Variants in SV2B observed in about 807,000 individuals in gnomAD.
SV2B encodes the protein solute carrier family 22 member B2.
In SV2B, 41 loss-of-function variants were observed where a neutral mutation model predicts 73.9. The observed-to-expected ratio is 0.56, with a 90% confidence interval of 0.43 to 0.72. The LOEUF (loss-of-function observed/expected upper bound fraction) is 0.72, where lower values mean the gene tolerates loss of function less well. Ranked by LOEUF, SV2B falls within the 30% of genes least tolerant of loss-of-function variation. SV2B has a pLI of 0.00. For missense variants in SV2B, 764 were observed against 857.8 expected, an observed-to-expected ratio of 0.89 and a Z score of 1.37; for synonymous variants, 314 against 314.2, an observed-to-expected ratio of 1.00 and a Z score of 0.01.
Position 91,232,822 on chromosome 15 carries a change from C to T in SV2B, c.451+6108C>T, listed in dbSNP as rs2046631123. ...GTTTGGGATACAAATGATCCCATCA[C>T]CCAGATAGTGAGCAAAGAACCTAAC... On this transcript the variant is annotated intron_variant, in intron 2 of 12. Coordinates refer to ENST00000394232, the MANE Select transcript of SV2B (RefSeq NM_001323032.3). The surrounding 1 kb of genome is among the most constrained non-coding windows in gnomAD (Gnocchi z 4.7). Among the ~76,000 whole-genome samples, 1 of 152,158 alleles carries T rather than the reference C, an allele frequency of 6.6e-6. No individual in the cohort carries two copies. Among genetic ancestry groups the T allele is most frequent in the Non-Finnish European group, 1.5e-5 (1 of 68,028 alleles).
intron 9 of SV2B, among the ~76,000 whole-genome samples, chr15:91,270,959 G>T (rs2048287963): frequency 6.6e-6 from 1 of 150,714 alleles, no homozygotes; most frequent in Non-Finnish European, 1.5e-5. Context: ...GGAGGACGGT[G>T]AGTCCTGTGG....
In SV2B at chr15:91,241,226, G is replaced by A. The variant is rs1302861717; in HGVS notation, c.452-10593G>A. Among the ~76,000 whole-genome samples the A allele has an allele frequency of 8.5e-5, 13 of 152,086 alleles. No homozygotes were observed. In the East Asian group the frequency reaches 1.5e-3, roughly 18 times the overall value. ...TTGTTCTCACCACATTCCTCACTGAGCTTAATGTCCATGTCCATAATCACA... is the reference window on the plus strand; with the variant it reads ...TTGTTCTCACCACATTCCTCACTGAACTTAATGTCCATGTCCATAATCACA... On this transcript the variant is annotated intron_variant, in intron 2 of 12. Transcript: ENST00000394232. This position sits in a 1 kb window ranked among gnomAD's most constrained non-coding sequence, Gnocchi z 4.8.
chr15:91,220,649 G>T lies in SV2B; in HGVS notation c.-391-5224G>T, dbSNP rs1392196905. Among the ~76,000 whole-genome samples, 1 of 152,186 alleles carries T rather than the reference G, an allele frequency of 6.6e-6. No individual in the cohort carries two copies. The highest frequency in any genetic ancestry group is 2.4e-5 in the African/African-American group (1 of 41,454). On this transcript the variant is annotated intron_variant, in intron 1 of 12. Transcript: ENST00000394232. This position sits in a 1 kb window ranked among gnomAD's most constrained non-coding sequence, Gnocchi z 4.1. ...TAATAGAATGTAAAAGTTAAAGGAG[G>T]ATGCTTAAGAGGTTAGCAGCATGGG...
intron 11 of SV2B, among the ~76,000 whole-genome samples, chr15:91,287,397 C>A (rs2048895363): frequency 6.6e-6 from 1 of 152,186 alleles, no homozygotes; most frequent in African/African-American, 2.4e-5. Flanking sequence ...TGTTTGAGAC[C>A]TGCTTCCTTC....
chr15:91,266,793 GC>G, intron 7 of SV2B, 101 bp downstream of exon 7: 1 of 969,884 alleles, frequency 1.0e-6, no homozygotes, highest in Non-Finnish European at 1.5e-6. Context: ...ACCAACCTGG[GC>G]CAGCGTGATG....
intron 6 of SV2B, among the ~76,000 whole-genome samples, chr15:91,263,621 GAAACACACAGACGCACATTAAGAC>G (rs1018410000): frequency 3.4e-5 from 5 of 147,124 alleles, no homozygotes; most frequent in African/African-American, 1.3e-4. Context: ...CACAAACACA[GAAACACACAGACGCACATTAAGAC>G]AAACACACAG....
intron 1 of SV2B, among the ~76,000 whole-genome samples, chr15:91,216,677 G>T (rs7169158): frequency 0.038 from 5,738 of 151,708 alleles, 386 homozygotes; most frequent in African/African-American, 0.13. Flanking sequence ...CTCCATGTTG[G>T]TCAGGCTGGT....
At chr15:91,287,057 A>G (rs1302290695) in intron 11 of SV2B, among the ~76,000 whole-genome samples, 1 of 152,152 alleles carries the variant, frequency 6.6e-6, no homozygotes, top group Non-Finnish European at 1.5e-5. Context: ...TCCACAGAGC[A>G]CTTGGGGGTC....
At chr15:91,175,260 CTTTTTTT>C (rs1182322611) in intron 1 of SV2B, among the ~76,000 whole-genome samples, 1 of 145,128 alleles carries the variant, frequency 6.9e-6, no homozygotes, top group Non-Finnish European at 1.5e-5. Context: ...TTTCTTTTTT[CTTTTTTT>C]TTTTTGAGAT....
intron 1 of SV2B, among the ~76,000 whole-genome samples, chr15:91,193,957 C>A (rs1389400061): frequency 6.6e-6 from 1 of 151,926 alleles, no homozygotes; most frequent in Non-Finnish European, 1.5e-5. Flanking sequence ...AAATTGCAAA[C>A]CTGTTTCTGT....
rs2046513609 is a variant in SV2B, at chr15:91,229,991, A to G, written c.451+3277A>G. Among the ~76,000 whole-genome samples the G allele has an allele frequency of 6.6e-6, 1 of 152,208 alleles. No individual in the cohort carries two copies. Among genetic ancestry groups the G allele is most frequent in the Non-Finnish European group, 1.5e-5 (1 of 68,032 alleles). ...TGTGGTGGCCCATGCCTGTAATCCCAGTGCTTTGGGAGGCTGAGGTGGGAA... is the reference window on the plus strand; with the variant it reads ...TGTGGTGGCCCATGCCTGTAATCCCGGTGCTTTGGGAGGCTGAGGTGGGAA... On this transcript the variant is annotated intron_variant, in intron 2 of 12. Coordinates refer to ENST00000394232, the MANE Select transcript of SV2B (RefSeq NM_001323032.3). The surrounding 1 kb of genome is among the most constrained non-coding windows in gnomAD (Gnocchi z 4.3).
chr15:91,219,230 T>C (rs2046137223), intron 1 of SV2B, among the ~76,000 whole-genome samples: 3 of 152,208 alleles, frequency 2.0e-5, no homozygotes, highest in Admixed American at 2.0e-4. Context: ...AGTACAGACA[T>C]GAGCCACTGC....
chr15:91,123,542 C>G lies in SV2B; in HGVS notation c.-392+23179C>G, dbSNP rs552455376. 1.3e-5 allele frequency among the ~76,000 whole-genome samples: 2 copies of G among 152,084 alleles called. No individual in the cohort carries two copies. The highest frequency in any genetic ancestry group is 2.9e-5 in the Non-Finnish European group (2 of 68,034). On this transcript the variant is annotated intron_variant, in intron 1 of 12. Transcript: ENST00000394232. This position sits in a 1 kb window ranked among gnomAD's most constrained non-coding sequence, Gnocchi z 4.7. ...GGTACCCCGGGAGAACTTAGGGAGA[C>G]GGGATCTGGTTCCATTCATGCAGTA...
chr15:91,245,552 T>C lies in SV2B; in HGVS notation c.452-6267T>C. 6.6e-6 allele frequency among the ~76,000 whole-genome samples: 1 copy of C among 152,202 alleles called. No homozygotes were observed. The highest frequency in any genetic ancestry group is 1.9e-4 in the East Asian group (1 of 5,196). On this transcript the variant is annotated intron_variant, in intron 2 of 12. Transcript: ENST00000394232. The surrounding 1 kb of genome is among the most constrained non-coding windows in gnomAD (Gnocchi z 4.2). ...ATTCCTCAGATTTTCTTACAGTGAA[T>C]AGGAATTACTTTTAGATTGTTTTAT...
intron 1 of SV2B, among the ~76,000 whole-genome samples, chr15:91,205,612 C>T (rs1463706894): frequency 6.6e-6 from 1 of 152,016 alleles, no homozygotes; most frequent in Non-Finnish European, 1.5e-5. Context: ...GTGATCCACC[C>T]ACCTCGGCCT....
chr15:91,145,142 C>G (rs953095984), intron 1 of SV2B, among the ~76,000 whole-genome samples: 4 of 152,192 alleles, frequency 2.6e-5, no homozygotes, highest in African/African-American at 9.7e-5. Context: ...TCCTCCCACC[C>G]TCCATCCTCC....
chr15:91,265,502 C>T lies in SV2B; in HGVS notation c.1009-1080C>T, dbSNP rs1346277391. ...AAGGAGCAAAGAAAGGAAAAACTGA[C>T]ATTTGAGAGGATATCTTAAGGCTTT... On this transcript the variant is annotated intron_variant, in intron 6 of 12. Coordinates refer to ENST00000394232, the MANE Select transcript of SV2B (RefSeq NM_001323032.3). This position sits in a 1 kb window ranked among gnomAD's most constrained non-coding sequence, Gnocchi z 4.2. Among the ~76,000 whole-genome samples the T allele has an allele frequency of 1.3e-5, 2 of 152,190 alleles. No homozygotes were observed. Among genetic ancestry groups the T allele is most frequent in the Non-Finnish European group, 2.9e-5 (2 of 68,048 alleles).
intron 1 of SV2B, among the ~76,000 whole-genome samples, chr15:91,185,709 G>A (rs1596542221): frequency 6.6e-6 from 1 of 152,156 alleles, no homozygotes; most frequent in East Asian, 1.9e-4. Flanking sequence ...ATAATGGCTG[G>A]CATTTGTTCA....
Position 91,292,666 on chromosome 15 carries a change from G to A in SV2B, c.*114G>A, listed in dbSNP as rs1039812255. On this transcript the variant is annotated 3_prime_UTR_variant, in exon 13 of 13. Transcript: ENST00000394232. ...CACCTTGGATAGCACGGGAGGAGAAGTTGACTTTGTGACCCCTAGTTTAGG... is the reference window on the plus strand; with the variant it reads ...CACCTTGGATAGCACGGGAGGAGAAATTGACTTTGTGACCCCTAGTTTAGG... The A allele has an allele frequency of 7.6e-7, 1 of 1,323,870 alleles. No individual in the cohort carries two copies. The highest frequency in any genetic ancestry group is 1.0e-6 in the Non-Finnish European group (1 of 988,432). 82.0% of individuals were successfully genotyped at this position (1,323,870 alleles called of 1,614,324 possible).
Sources: allele counts gnomAD v4.1 joint callset (sites outside exome capture counted in the v4.1 genomes callset), GRCh38; gene constraint gnomAD v4.1.1; non-coding constraint Gnocchi (gnomAD v3.1); transcripts MANE v1.5; gene names NCBI Gene and HGNC (gene_info 2026-07-23, HGNC 2026-07-21).